Variants in ABHD12 observed in about 807,000 individuals in gnomAD.
The protein encoded by ABHD12 is abhydrolase domain containing 12, lysophospholipase.
Under a neutral mutation model 58.3 loss-of-function variants are expected in ABHD12, and 43 were observed. The ratio of observed to expected loss-of-function variants is 0.74; its 90% confidence interval spans 0.58 to 0.95. The LOEUF is 0.95. Ranked by LOEUF, ABHD12 falls within the 40% of genes least tolerant of loss-of-function variation. The pLI, the probability that ABHD12 is intolerant of heterozygous loss-of-function variation, is 0.00. For synonymous variants in ABHD12, 219 were observed against 211.2 expected (o/e 1.04, Z -0.32); for missense variants, 539 against 537.2 (o/e 1.00, Z -0.03).
intron 2 of ABHD12, among the ~76,000 whole-genome samples, chr20:25,333,587 C>G (rs1205104574): frequency 6.6e-6 from 1 of 151,512 alleles, no homozygotes; most frequent in Non-Finnish European, 1.5e-5. Context: ...AATCCAGCAG[C>G]ACATCAAAAA....
At chr20:25,302,405 G>C (rs1013369297) in intron 11 of ABHD12, 59 bp from the exon 12 acceptor site, 87 of 1,606,802 alleles carry the variant, frequency 5.4e-5, no homozygotes, top group Non-Finnish European at 7.0e-5. Flanking sequence ...CCCAGCCTGA[G>C]GAACACCAGC....
rs762285850 is a variant in ABHD12 at position 25,339,330 on chromosome 20, G to A, written c.213C>T (p.Arg71=). Residue 71 remains arginine, a synonymous_variant, in exon 2 of 13, where the codon CGC becomes CGT. Coordinates refer to ENST00000339157, the MANE Select transcript of ABHD12 (RefSeq NM_001042472.3). ...ALGRRKGVWL[R]LRKILFCVLG... is the part of the protein sequence containing the mutation. ...AAACACAGAAAAGTATCTTCCTCAG[G>A]CGCAACCACACGCCCTTTCGCCTGC... 1 of 1,614,110 alleles carries A rather than the reference G, an allele frequency of 6.2e-7. No homozygotes were observed. Among genetic ancestry groups the A allele is most frequent in the Non-Finnish European group, 8.5e-7 (1 of 1,180,014 alleles).
chr20:25,309,423 T>C lies in ABHD12; in HGVS notation c.749+23A>G, dbSNP rs747995914. 3.7e-6 allele frequency: 6 copies of C among 1,613,782 alleles called. No homozygotes were observed. The South Asian group carries it at 6.6e-5, about 18-fold the overall frequency. On this transcript the variant is annotated intron_variant, in intron 7 of 12. Transcript: ENST00000339157. ...AGGAATACTGACTCCCACTAAAGGCTGCCTCCTGCTGGGGTCCCTTACCCA... is the reference window on the plus strand; with the variant it reads ...AGGAATACTGACTCCCACTAAAGGCCGCCTCCTGCTGGGGTCCCTTACCCA...
chr20:25,312,973 C>T (rs1445335270), intron 6 of ABHD12, among the ~76,000 whole-genome samples: 5 of 151,276 alleles, frequency 3.3e-5, no homozygotes, highest in African/African-American at 4.9e-5. Flanking sequence ...TGGGGGCCAG[C>T]CCCCGACCGG....
chr20:25,363,693 C>T (rs1204611595), intron 1 of ABHD12, among the ~76,000 whole-genome samples: 1 of 151,764 alleles, frequency 6.6e-6, no homozygotes, highest in African/African-American at 2.4e-5. Context: ...ATGGTGAAAC[C>T]CCATCTCCAC....
intron 2 of ABHD12, among the ~76,000 whole-genome samples, chr20:25,331,518 T>C (rs1448666191): frequency 6.7e-6 from 1 of 150,072 alleles, no homozygotes; most frequent in African/African-American, 2.5e-5. Context: ...TTCACGAAAG[T>C]TGAAATGAAG....
chr20:25,300,609 G>A lies in ABHD12; in HGVS notation c.*236C>T, dbSNP rs575759415. ...CCAACAAGATCTCAGGTTGAGGGGCGGCAAGGAGAGCCACATGCCTGCCAC... is the reference window on the plus strand; with the variant it reads ...CCAACAAGATCTCAGGTTGAGGGGCAGCAAGGAGAGCCACATGCCTGCCAC... On this transcript the variant is annotated 3_prime_UTR_variant, in exon 13 of 13. Transcript: ENST00000339157. 70 of 1,442,126 alleles carry A rather than the reference G, an allele frequency of 4.9e-5. No individual in the cohort carries two copies. The highest frequency in any genetic ancestry group is 4.3e-4 in the Admixed American group (16 of 37,424). The allele number at this position is 1,442,126 out of a possible 1,614,324, so 89.3% of individuals were successfully genotyped here. A position where few individuals can be genotyped will look rare whatever the true frequency, so the allele number is the denominator to read the frequency against.
chr20:25,296,273 G>A, downstream of ABHD12: 1 of 1,471,064 alleles, frequency 6.8e-7, no homozygotes, highest in East Asian at 2.3e-5. Context: ...AAGGCTCGGA[G>A]CTCATTTGGA....
chr20:25,309,062 C>T (rs899989558), intron 7 of ABHD12, among the ~76,000 whole-genome samples: 16 of 152,188 alleles, frequency 1.1e-4, no homozygotes, highest in African/African-American at 3.1e-4. Flanking sequence ...ACGTGGACCT[C>T]GCATCAGCAG....
At chr20:25,306,783 C>A in intron 10 of ABHD12, 50 bp downstream of exon 10, 1 of 1,328,776 alleles carries the variant, frequency 7.5e-7, no homozygotes, top group Non-Finnish European at 1.1e-6. Flanking sequence ...TCCAGAGGTT[C>A]TCAGAGTTTT....
chr20:25,352,580 A>C (rs1373696508), intron 1 of ABHD12, among the ~76,000 whole-genome samples: 1 of 152,126 alleles, frequency 6.6e-6, no homozygotes, highest in Non-Finnish European at 1.5e-5. Flanking sequence ...ATGAGTCACC[A>C]TGCCTGGCAC....
intron 2 of ABHD12, among the ~76,000 whole-genome samples, chr20:25,327,899 T>C (rs1453153167): frequency 3.3e-5 from 5 of 152,146 alleles, no homozygotes; most frequent in African/African-American, 4.8e-5. Context: ...ATTGATAAAC[T>C]AGCTCATCTG....
chr20:25,343,424 T>C (rs557924252), intron 1 of ABHD12, among the ~76,000 whole-genome samples: 1 of 152,342 alleles, frequency 6.6e-6, no homozygotes, highest in South Asian at 2.1e-4. Context: ...TAGTGGTATG[T>C]GCCTGTGATC....
intron 1 of ABHD12, among the ~76,000 whole-genome samples, chr20:25,354,525 C>T (rs1315153119): frequency 6.6e-6 from 1 of 152,120 alleles, no homozygotes; most frequent in African/African-American, 2.4e-5. Context: ...GTACATAAGC[C>T]ACGTGTTACA....
At chr20:25,326,633 C>A (rs916544011) in intron 2 of ABHD12, among the ~76,000 whole-genome samples, 1 of 152,102 alleles carries the variant, frequency 6.6e-6, no homozygotes, top group Non-Finnish European at 1.5e-5. Flanking sequence ...TGCAAATAAT[C>A]AGGCCAAGTA....
intron 7 of ABHD12, 22 bp downstream of exon 7, chr20:25,309,424 G>A (rs771949238): frequency 2.5e-6 from 4 of 1,613,824 alleles, no homozygotes; most frequent in East Asian, 2.2e-5. Flanking sequence ...ACTAAAGGCT[G>A]CCTCCTGCTG....
At chr20:25,386,617 C>T (rs115203688) in intron 1 of ABHD12, among the ~76,000 whole-genome samples, 3,201 of 151,996 alleles carry the variant, frequency 0.021, 104 homozygotes, top group African/African-American at 0.072. Flanking sequence ...CGGTGGCTCA[C>T]GCCTTATAAT....
intron 1 of ABHD12, among the ~76,000 whole-genome samples, chr20:25,356,118 G>C (rs2089664825): frequency 6.6e-6 from 1 of 152,218 alleles, no homozygotes; most frequent in Non-Finnish European, 1.5e-5. Flanking sequence ...TGGTGATGAA[G>C]AAGGGCATAC....
chr20:25,314,838 C>G, intron 6 of ABHD12, 87 bp downstream of exon 6: 1 of 1,460,102 alleles, frequency 6.8e-7, no homozygotes, highest in Non-Finnish European at 9.6e-7. Flanking sequence ...GGCCTTGCTC[C>G]GAGCCTCTTC....
Sources: gnomAD v4.1 joint callset for allele counts (sites outside exome capture counted in the v4.1 genomes callset) on GRCh38, gnomAD v4.1.1 for gene constraint, MANE v1.5 for transcripts, NCBI Gene and HGNC (gene_info 2026-07-23, HGNC 2026-07-21) for gene names.